ARVCF: variants seen among roughly 807,000 people sequenced by gnomAD.
ARVCF encodes the protein ARVCF delta catenin family member, also known as splicing regulator ARVCF.
A neutral mutation model predicts 90.9 loss-of-function variants in ARVCF; 66 were observed. The observed-to-expected ratio is 0.73, with a 90% CI of 0.60 to 0.89. The LOEUF (loss-of-function observed/expected upper bound fraction) is 0.89. Ranked by LOEUF, ARVCF falls within the 40% of genes least tolerant of loss-of-function variation. The pLI is 0.00. For missense variants in ARVCF, 1,469 were observed against 1,382.3 expected (o/e 1.06, Z -1.00); for synonymous variants, 653 against 603.4 (o/e 1.08, Z -1.21).
intron 1 of ARVCF, among the ~76,000 whole-genome samples, chr22:20,011,870 T>TA (rs1311984696): frequency 1.3e-5 from 2 of 151,994 alleles, no homozygotes; most frequent in South Asian, 2.1e-4. Flanking sequence ...TTTTTTTTTT[T>TA]ATCCCTGATA....
At chr22:19,977,827 G>T in intron 8 of ARVCF, 131 bp downstream of exon 8, 1 of 1,169,190 alleles carries the variant, frequency 8.6e-7, no homozygotes, top group Non-Finnish European at 1.2e-6. Flanking sequence ...CTGCGAGGCG[G>T]GCCACACCCA....
chr22:20,010,001 T>C (rs2146495392), intron 2 of ARVCF, among the ~76,000 whole-genome samples: 1 of 152,350 alleles, frequency 6.6e-6, no homozygotes, highest in South Asian at 2.1e-4. Flanking sequence ...CAAAGTTTTG[T>C]GTGCCTGGCC....
intron 2 of ARVCF, among the ~76,000 whole-genome samples, chr22:20,004,426 C>T (rs1209625683): frequency 6.7e-6 from 1 of 149,930 alleles, no homozygotes; most frequent in African/African-American, 2.5e-5. Context: ...GGTTCAAGGC[C>T]GCAGTAAGCT....
rs141228868 is a variant in ARVCF, at chr22:19,972,932, C to G, written c.2543G>C (p.Arg848Pro). ...AGGCCAGGGAAGCCGCACCTGGAAG[C>G]GCGCCTTGGTCCAACCATCTTTCTG... ...TLQKDGWTKA[R>P]FQSAAATAKG... Residue 848 changes from arginine (R) to proline (P), a missense_variant, in exon 15 of 20, where the codon CGC becomes CCC. By Grantham distance (103) the Arg-to-Pro change is moderately radical. Coordinates refer to ENST00000263207, the MANE Select transcript of ARVCF (RefSeq NM_001670.3). 2 of 1,613,858 alleles carry G rather than the reference C, an allele frequency of 1.2e-6. No individual in the cohort carries two copies. The highest frequency in any genetic ancestry group is 1.1e-5 in the South Asian group (1 of 91,082).
Position 19,979,966 on chromosome 22 carries a change from A to G in ARVCF, c.1173T>C (p.Gly391=), listed in dbSNP as rs1242492928. 17 of 1,595,358 alleles carry G rather than the reference A, an allele frequency of 1.1e-5. No homozygotes were observed. The highest frequency in any genetic ancestry group is 1.4e-5 in the Non-Finnish European group (16 of 1,171,684). ...GCAACTGCCGTACACGCCGCTTGACACCCTCGTTCTCAAAGCACAGATGCT... is the reference window on the plus strand; with the variant it reads ...GCAACTGCCGTACACGCCGCTTGACGCCCTCGTTCTCAAAGCACAGATGCT... ...YLQHLCFENE[G]VKRRVRQLRG... is the part of the protein sequence containing the mutation. Residue 391 remains glycine (G), a synonymous_variant, in exon 6 of 20, where the codon GGT becomes GGC. Coordinates refer to ENST00000263207, the MANE Select transcript of ARVCF (RefSeq NM_001670.3).
intron 2 of ARVCF, among the ~76,000 whole-genome samples, chr22:20,008,034 T>C (rs1944695815): frequency 6.6e-6 from 1 of 152,098 alleles, no homozygotes; most frequent in Admixed American, 6.5e-5. Flanking sequence ...TCCAACACAC[T>C]TCACCACAAA....
At chr22:19,975,810 G>T in intron 10 of ARVCF, 53 bp from the exon 11 acceptor site, 1 of 1,584,392 alleles carries the variant, frequency 6.3e-7, no homozygotes, top group Non-Finnish European at 8.7e-7. Context: ...GGGAATGGGT[G>T]TATCAGGAGA....
intron 4 of ARVCF, 44 bp downstream of exon 4, chr22:19,981,889 A>C: frequency 6.3e-7 from 1 of 1,599,136 alleles, no homozygotes; most frequent in East Asian, 2.2e-5. Context: ...CAGCTGCAGC[A>C]GCCTGGCCCT....
chr22:20,004,424 G>A (rs544516357), intron 2 of ARVCF, among the ~76,000 whole-genome samples: 1 of 151,222 alleles, frequency 6.6e-6, no homozygotes, highest in African/African-American at 2.4e-5. Flanking sequence ...GGGGTTCAAG[G>A]CCGCAGTAAG....
rs1942697384 is a variant in ARVCF, at chr22:19,970,563, TTAGG to T, written c.*189_*192del. 8 of 1,190,984 alleles carry T rather than the reference TTAGG, an allele frequency of 6.7e-6. No individual in the cohort carries two copies. The highest frequency in any genetic ancestry group is 6.1e-5 in the South Asian group (4 of 66,000). 73.8% of individuals were successfully genotyped at this position (1,190,984 alleles called of 1,614,324 possible). A position where few individuals can be genotyped will look rare whatever the true frequency, so the allele number is the denominator to read the frequency against. ...AAACAGCTAACTCAGGCCTAGGGAG[TTAGG>T]TAGGATGGGGGGAGTGGGGTGGGGG... is the stretch of plus-strand genomic sequence containing the variant. On this transcript the variant is annotated 3_prime_UTR_variant, in exon 20 of 20. Transcript: ENST00000263207.
In ARVCF at chr22:19,974,155, G is replaced by C. The variant is rs754276278; in HGVS notation, c.2045C>G (p.Ala682Gly). Residue 682 changes from alanine to glycine, a missense_variant, in exon 12 of 20, where the codon GCT becomes GGT. Ala to Gly is a moderately conservative substitution (Grantham distance 60). Coordinates refer to ENST00000263207, the MANE Select transcript of ARVCF (RefSeq NM_001670.3). ...TESRNFNTLE[A>G]AAGALQNLSA... The stretch of plus-strand genomic sequence containing the variant: ...GAGGTTCTGCAGAGCGCCGGCGGCA[G>C]CCTCCAGGGTGTTGAAGTTCCGGCT... 7 of 1,612,998 alleles carry C rather than the reference G, an allele frequency of 4.3e-6. No homozygotes were observed. Among genetic ancestry groups the C allele is most frequent in the Non-Finnish European group, 5.9e-6 (7 of 1,179,826 alleles).
intron 2 of ARVCF, among the ~76,000 whole-genome samples, chr22:19,993,440 T>TCTTA (rs2146395551): frequency 6.6e-6 from 1 of 152,222 alleles, no homozygotes; most frequent in South Asian, 2.1e-4. Context: ...GGGGCCTGAG[T>TCTTA]GGATGCTGGG....
intron 17 of ARVCF, 125 bp downstream of exon 17, chr22:19,972,233 G>T: frequency 7.5e-7 from 1 of 1,330,100 alleles, no homozygotes; most frequent in Non-Finnish European, 1.1e-6. Flanking sequence ...CACCCTCTAA[G>T]CACCCCTAAA....
intron 4 of ARVCF, 69 bp from the exon 5 acceptor site, chr22:19,981,806 C>G: frequency 7.7e-6 from 12 of 1,549,534 alleles, no homozygotes; most frequent in Non-Finnish European, 8.7e-6. Context: ...TGGGGTCTGG[C>G]TGGCCTTAAT....
At chr22:20,011,132 G>C (rs2238795) in intron 1 of ARVCF, among the ~76,000 whole-genome samples, 103,999 of 152,144 alleles carry the variant, frequency 0.68, 36,564 homozygotes, top group Non-Finnish European at 0.78. Context: ...CTGGGGAGCT[G>C]AGGCTTATGG....
At chr22:19,979,122 C>T (rs780730905) in intron 6 of ARVCF, 42 bp from the exon 7 acceptor site, 31 of 1,579,582 alleles carry the variant, frequency 2.0e-5, no homozygotes, top group Non-Finnish European at 2.5e-5. Context: ...CCATATGCAC[C>T]GCCTGCCTAC....
chr22:19,974,221 T>A lies in ARVCF; in HGVS notation c.1979A>T (p.Gln660Leu), dbSNP rs1280284620. Residue 660 changes from glutamine (Q) to leucine (L), a missense_variant, in exon 12 of 20, where the codon CAG (glutamine) becomes CTG (leucine). Physicochemically the swap from Gln to Leu is moderately radical, Grantham distance 113. Coordinates refer to ENST00000263207, the MANE Select transcript of ARVCF (RefSeq NM_001670.3). ...EAAKGFELLY[Q>L]PEVVRLYLSL... ...GAGGTAGAGACGTACCACCTCGGGC[T>A]GGTACAGCAGCTCAAAGCCTAGGTG... The A allele has an allele frequency of 6.2e-7, 1 of 1,611,012 alleles. No individual in the cohort carries two copies. The highest frequency in any genetic ancestry group is 1.1e-5 in the South Asian group (1 of 90,948).
At chr22:19,987,901 A>G (rs1943879079) in intron 3 of ARVCF, among the ~76,000 whole-genome samples, 1 of 152,112 alleles carries the variant, frequency 6.6e-6, no homozygotes, top group Non-Finnish European at 1.5e-5. Context: ...GCCACACCCT[A>G]GGGAATCTAG....
At chr22:19,987,017 C>A in intron 3 of ARVCF, 1 of 647,310 alleles carries the variant, frequency 1.5e-6, no homozygotes, top group Middle Eastern at 2.4e-4. Context: ...GGCCGACGCC[C>A]CGCCCTCTGC....
Sources: gnomAD v4.1 joint callset for allele counts (sites outside exome capture counted in the v4.1 genomes callset) on GRCh38, gnomAD v4.1.1 for gene constraint, MANE v1.5 for transcripts, NCBI Gene and HGNC (gene_info 2026-07-23, HGNC 2026-07-21) for gene names.